The following DLG2 variants were observed in gnomAD, a reference collection of about 807,000 sequenced individuals.
The protein encoded by DLG2 is disks large homolog 2.
Under a neutral mutation model 132.5 loss-of-function variants are expected in DLG2, and 45 were observed. The observed-to-expected ratio is 0.34, with a 90% CI of 0.27 to 0.44. DLG2 has a LOEUF of 0.44. DLG2 is among the 20% of genes least tolerant of loss of function. The pLI, the probability that DLG2 is intolerant of heterozygous loss-of-function variation, is 1.00. For synonymous variants in DLG2, 424 were observed against 419.6 expected (o/e 1.01, Z -0.13); for missense variants, 1,045 against 1,196.9 (o/e 0.87, Z 1.87).
At chr11:84,452,492 G>T (rs1422574536) in intron 7 of DLG2, among the ~76,000 whole-genome samples, 1 of 151,696 alleles carries the variant, frequency 6.6e-6, no homozygotes, top group East Asian at 1.9e-4. Flanking sequence ...GGAGCAGGGA[G>T]AACAGTTAAG....
chr11:85,428,368 T>G (rs1212607819), intron 3 of DLG2, among the ~76,000 whole-genome samples: 2 of 152,188 alleles, frequency 1.3e-5, no homozygotes, highest in Non-Finnish European at 2.9e-5. Flanking sequence ...ATTGACCACT[T>G]AGTCGGAAGT....
chr11:85,398,954 AAAGGGTATTC>A (rs2087724686), intron 3 of DLG2, among the ~76,000 whole-genome samples: 2 of 152,156 alleles, frequency 1.3e-5, no homozygotes, highest in African/African-American at 4.8e-5. Context: ...AGAAGGAAAT[AAAGGGTATTC>A]AATTAGGAAA....
At chr11:85,249,325 A>G (rs1226823169) in intron 4 of DLG2, among the ~76,000 whole-genome samples, 1 of 152,004 alleles carries the variant, frequency 6.6e-6, no homozygotes, top group Admixed American at 6.6e-5. Flanking sequence ...ATGCAATTCA[A>G]GAAACAGTGT....
chr11:84,435,792 G>A (rs1314783826), intron 7 of DLG2, among the ~76,000 whole-genome samples: 1 of 152,048 alleles, frequency 6.6e-6, no homozygotes, highest in Non-Finnish European at 1.5e-5. Context: ...TCTATACACT[G>A]AATTTTATAG....
intron 6 of DLG2, among the ~76,000 whole-genome samples, chr11:84,540,883 A>C (rs549138801): frequency 9.4e-4 from 143 of 152,246 alleles, no homozygotes; most frequent in African/African-American, 3.2e-3. Context: ...GAGTTCATGT[A>C]CTTTGTAGGG....
chr11:84,887,101 T>C (rs2088463872), intron 6 of DLG2: 1 of 152,150 alleles, frequency 6.6e-6, no homozygotes, highest in South Asian at 2.1e-4. Flanking sequence ...AGTTATACAA[T>C]GTTAAATTCA....
intron 6 of DLG2, among the ~76,000 whole-genome samples, chr11:84,602,447 ATCTT>A (rs897659040): frequency 9.2e-5 from 14 of 152,094 alleles, no homozygotes; most frequent in Admixed American, 2.0e-4. Context: ...AATTCACTCA[ATCTT>A]TCTATCAGTT....
intron 3 of DLG2, among the ~76,000 whole-genome samples, chr11:85,377,502 C>T (rs2085496653): frequency 6.6e-6 from 1 of 152,012 alleles, no homozygotes; most frequent in South Asian, 2.1e-4. Flanking sequence ...AGCTACTAAC[C>T]AGCCCTGTTA....
Position 84,640,955 on chromosome 11 carries a change from A to AC in DLG2, c.358-106225_358-106224insG, listed in dbSNP as rs201334567. On this transcript the variant is annotated intron_variant, in intron 6 of 27. Transcript: ENST00000376104. ...ACTCTGTCTCAAAACAAACAAACAA[A>AC]AAAAAAAAACAAAAAAAAAACAACT... Among the ~76,000 whole-genome samples, 395 of 148,392 alleles carry AC rather than the reference A, an allele frequency of 2.7e-3. 1 individual carries two copies. Among genetic ancestry groups the AC allele is most frequent in the Middle Eastern group, 0.014 (4 of 290 alleles).
At chr11:85,378,605 C>G (rs980531212) in intron 3 of DLG2, among the ~76,000 whole-genome samples, 2 of 152,044 alleles carry the variant, frequency 1.3e-5, no homozygotes, top group Non-Finnish European at 2.9e-5. Flanking sequence ...AATGAACTAT[C>G]TTTTCAAAAT....
intron 18 of DLG2, among the ~76,000 whole-genome samples, chr11:83,679,140 C>T (rs1023268521): frequency 6.6e-6 from 1 of 152,142 alleles, no homozygotes; most frequent in East Asian, 1.9e-4. Context: ...CCTAGCACTG[C>T]TATATGCCAA....
At chr11:84,367,903 G>T (rs1360777922) in intron 7 of DLG2, among the ~76,000 whole-genome samples, 3 of 152,052 alleles carry the variant, frequency 2.0e-5, no homozygotes, top group African/African-American at 7.2e-5. Flanking sequence ...TTCCGTAAAT[G>T]ATACATTTAT....
chr11:85,231,135 C>CA (rs1018831990), intron 4 of DLG2, among the ~76,000 whole-genome samples: 1 of 151,382 alleles, frequency 6.6e-6, no homozygotes, highest in South Asian at 2.1e-4. Flanking sequence ...ATTATTTCAC[C>CA]AAAAAAAATT....
At chr11:84,961,781 A>G (rs2052616133) in intron 6 of DLG2, among the ~76,000 whole-genome samples, 1 of 152,214 alleles carries the variant, frequency 6.6e-6, no homozygotes, top group African/African-American at 2.4e-5. Context: ...AGCACTACGC[A>G]AATGAATGCA....
chr11:84,075,959 AT>A (rs1386765614), intron 10 of DLG2, among the ~76,000 whole-genome samples: 1 of 152,190 alleles, frequency 6.6e-6, no homozygotes, highest in East Asian at 1.9e-4. Context: ...ACTTGTTCTC[AT>A]TTGTGGAGGC....
chr11:84,034,927 C>A (rs1462197424), intron 11 of DLG2, among the ~76,000 whole-genome samples: 1 of 152,086 alleles, frequency 6.6e-6, no homozygotes, highest in East Asian at 1.9e-4. Context: ...CTCTATTATC[C>A]AATCAATCAA....
At chr11:84,413,436 C>T (rs1027323346) in intron 7 of DLG2, among the ~76,000 whole-genome samples, 7 of 152,148 alleles carry the variant, frequency 4.6e-5, no homozygotes, top group Non-Finnish European at 8.8e-5. Flanking sequence ...TTGAAGAATG[C>T]CAGGCAGCCT....
intron 7 of DLG2, among the ~76,000 whole-genome samples, chr11:84,282,291 T>C (rs1295171699): frequency 6.6e-6 from 1 of 152,126 alleles, no homozygotes; most frequent in Non-Finnish European, 1.5e-5. Flanking sequence ...TTATATAAAA[T>C]TATAGAAAAT....
chr11:84,521,208 G>A (rs914418242), intron 7 of DLG2, among the ~76,000 whole-genome samples: 1 of 152,126 alleles, frequency 6.6e-6, no homozygotes, highest in Admixed American at 6.5e-5. Context: ...CCTAGATTTG[G>A]CCCTTTACTA....
Sources: gnomAD v4.1 joint callset for allele counts (sites outside exome capture counted in the v4.1 genomes callset) on GRCh38, gnomAD v4.1.1 for gene constraint, MANE v1.5 for transcripts, NCBI Gene and HGNC (gene_info 2026-07-23, HGNC 2026-07-21) for gene names.